ZIC3: variants seen among roughly 807,000 people sequenced by gnomAD.
ZIC3 encodes the protein Zic family zinc finger 3, also known as zinc finger protein ZIC 3.
A neutral mutation model predicts 18.3 loss-of-function variants in ZIC3; 6 were observed. That is an observed-to-expected ratio of 0.33 (90% confidence interval 0.18 to 0.65). ZIC3 has a LOEUF of 0.65. Ranked by LOEUF, ZIC3 falls within the 30% of genes least tolerant of loss-of-function variation. The pLI is 0.75. For missense variants in ZIC3, 260 were observed against 410.0 expected, an observed-to-expected ratio of 0.63 and a Z score of 3.16; for synonymous variants, 175 against 177.0, an observed-to-expected ratio of 0.99 and a Z score of 0.09.
chrX:137,575,033 C>T (rs752089072), downstream of ZIC3, among the ~76,000 whole-genome samples: 156 of 111,934 alleles, frequency 1.4e-3, no homozygotes, highest in Non-Finnish European at 2.1e-3. Context: ...CCCCACCCAC[C>T]TGGCCCGACC....
Position 137,566,545 on chromosome X carries a change from T to G in ZIC3, c.-147T>G. On this transcript the variant is annotated 5_prime_UTR_variant, in exon 1 of 3. Coordinates refer to ENST00000287538, the MANE Select transcript of ZIC3 (RefSeq NM_003413.4). Reference sequence around the variant, plus strand: ...AGGAGACTCTTGCAGTGACGGAAAGTTGCAGCCCCTGGTAGCGCCTTGGGG... The same window carrying G: ...AGGAGACTCTTGCAGTGACGGAAAGGTGCAGCCCCTGGTAGCGCCTTGGGG... 10 of 915,484 alleles carry G rather than the reference T, an allele frequency of 1.1e-5. No individual in the cohort carries two copies. Among genetic ancestry groups the G allele is most frequent in the Non-Finnish European group, 1.4e-5 (10 of 698,606 alleles). 75.4% of individuals were successfully genotyped at this position (915,484 alleles called of 1,213,427 possible). A position where few individuals can be genotyped will look rare whatever the true frequency, so the allele number is the denominator to read the frequency against.
downstream of ZIC3, chrX:137,574,152 C>T (rs1355141927): frequency 8.8e-6 from 1 of 113,483 alleles, no homozygotes; most frequent in South Asian, 3.6e-4. Flanking sequence ...TAGCGCTGGC[C>T]GCAAACTTTG....
downstream of ZIC3, among the ~76,000 whole-genome samples, chrX:137,573,156 AAAAACC>A (rs1488692128): frequency 2.5e-4 from 17 of 69,143 alleles, no homozygotes; most frequent in East Asian, 4.0e-4. Context: ...AAAAAAAAAA[AAAAACC>A]AAACAAACCA....
downstream of ZIC3, among the ~76,000 whole-genome samples, chrX:137,575,638 G>A (rs1569347604): frequency 8.9e-6 from 1 of 111,833 alleles, no homozygotes; most frequent in Non-Finnish European, 1.9e-5. Context: ...GAGACCAACG[G>A]CCAAACGGAA....
downstream of ZIC3, among the ~76,000 whole-genome samples, chrX:137,574,519 C>T (rs746991758): frequency 1.8e-5 from 2 of 113,491 alleles, no homozygotes; most frequent in South Asian, 7.0e-4. Flanking sequence ...CCCCGTGGCT[C>T]CGGCCTTTTC....
intron 2 of ZIC3, 129 bp downstream of exon 2, chrX:137,569,194 A>AGCCCCG (rs1487607998): frequency 1.2e-5 from 5 of 412,593 alleles, no homozygotes; most frequent in Non-Finnish European, 1.8e-5. Flanking sequence ...CAGCAGTGAC[A>AGCCCCG]CCTTGAACCC....
downstream of ZIC3, among the ~76,000 whole-genome samples, chrX:137,574,723 G>T: frequency 8.9e-6 from 1 of 112,839 alleles, no homozygotes; most frequent in Non-Finnish European, 1.9e-5. Context: ...GAGGTATGTG[G>T]GAAGGGGGGC....
chrX:137,573,281 T>G (rs943068292), downstream of ZIC3, among the ~76,000 whole-genome samples: 5 of 111,603 alleles, frequency 4.5e-5, no homozygotes, highest in Non-Finnish European at 9.4e-5. Context: ...TTTTTCAAAA[T>G]GAGTGATTTT....
downstream of ZIC3, among the ~76,000 whole-genome samples, chrX:137,573,596 G>A (rs1725894609): frequency 8.9e-6 from 1 of 112,362 alleles, no homozygotes; most frequent in South Asian, 3.7e-4. Context: ...TAAAACAGAG[G>A]AGCAAAGTCG....
At chrX:137,568,687 CCCCA>C in intron 1 of ZIC3, 3 of 88,621 alleles carry the variant, frequency 3.4e-5, no homozygotes, top group Non-Finnish European at 6.1e-5. Flanking sequence ...GCCGGCCCCG[CCCCA>C]CCCCCACCCC....
Position 137,568,903 on chromosome X carries a change from T to C in ZIC3, c.1062T>C (p.Gly354=). The stretch of plus-strand genomic sequence containing the variant: ...CCCTTGGGTTTTTGCCTTTTGCAGG[T>C]GAGAAACCTTTCAAATGTGAATTTG... ...NLKIHKRTHT[G]EKPFKCEFEG... Residue 354 remains glycine (G), a splice_region_variant and synonymous_variant, in exon 2 of 3, where the codon GGT becomes GGC. Coordinates refer to ENST00000287538, the MANE Select transcript of ZIC3 (RefSeq NM_003413.4). The C allele has an allele frequency of 8.3e-7, 1 of 1,210,246 alleles. No individual in the cohort carries two copies.
At chrX:137,567,836 C>A in intron 1 of ZIC3, 85 bp downstream of exon 1, 1 of 1,201,447 alleles carries the variant, frequency 8.3e-7, no homozygotes, top group Non-Finnish European at 1.1e-6. Flanking sequence ...AGAGAGGTGG[C>A]GGCCAGGGAA....
In ZIC3 at chrX:137,566,791, G is replaced by A; in HGVS notation, c.100G>A (p.Gly34Ser). ...CGAGATGCCCAACCGTGAGCCGGCAGGCATGGGGCTGAATCCCTTCGGGGA... is the reference window on the plus strand; with the variant it reads ...CGAGATGCCCAACCGTGAGCCGGCAAGCATGGGGCTGAATCCCTTCGGGGA... ...HHEMPNREPAGMGLNPFGDST... is the reference protein window; with the variant it reads ...HHEMPNREPASMGLNPFGDST... Residue 34 changes from glycine to serine, a missense_variant, in exon 1 of 3, where the codon GGC becomes AGC. By Grantham distance (56) the Gly-to-Ser change is moderately conservative. This residue lies in a region of ZIC3 where 183 missense variants were observed against 223.8 expected (regional missense o/e 0.82). Coordinates refer to ENST00000287538, the MANE Select transcript of ZIC3 (RefSeq NM_003413.4). The A allele has an allele frequency of 8.5e-7, 1 of 1,179,273 alleles. No homozygotes were observed. The highest frequency in any genetic ancestry group is 1.1e-6 in the Non-Finnish European group (1 of 881,142).
chrX:137,574,598 G>T (rs1052329063), downstream of ZIC3, among the ~76,000 whole-genome samples: 2 of 112,969 alleles, frequency 1.8e-5, no homozygotes, highest in East Asian at 5.7e-4. Context: ...CGCGCCGCGC[G>T]CAGGCGCACA....
chrX:137,572,316 G>A (rs973130351), downstream of ZIC3, among the ~76,000 whole-genome samples: 15 of 111,968 alleles, frequency 1.3e-4, no homozygotes, highest in African/African-American at 4.9e-4. Flanking sequence ...TTTGTTAGTG[G>A]AGAATAATGG....
chrX:137,570,415 G>T lies in ZIC3; in HGVS notation c.*345G>T, dbSNP rs889790538. 6 of 262,314 alleles carry T rather than the reference G, an allele frequency of 2.3e-5. No individual in the cohort carries two copies. Among genetic ancestry groups the T allele is most frequent in the Non-Finnish European group, 3.4e-5 (5 of 146,882 alleles). 21.6% of individuals were successfully genotyped at this position (262,314 alleles called of 1,213,427 possible). On this transcript the variant is annotated 3_prime_UTR_variant, in exon 3 of 3. Transcript: ENST00000287538. ...AGAGGAAGTTATAGAAGGCTTGTTG[G>T]TGGTGGTGATGTTAAACTGATGGAA...
At chrX:137,573,840 G>A (rs748419358), downstream of ZIC3, 368 of 112,700 alleles carry the variant, frequency 3.3e-3, 2 homozygotes, top group Middle Eastern at 9.3e-3. Flanking sequence ...GGGCTCCCAG[G>A]GTCCCTGTCC....
At chrX:137,569,249 G>A (rs1378694762) in intron 2 of ZIC3, among the ~76,000 whole-genome samples, 184 bp downstream of exon 2, 7 of 107,011 alleles carry the variant, frequency 6.5e-5, no homozygotes. Context: ...GTGGGCGGGA[G>A]TGAGCAAAGT....
At chrX:137,574,498 C>T (rs1400843530), downstream of ZIC3, among the ~76,000 whole-genome samples, 1 of 113,508 alleles carries the variant, frequency 8.8e-6, no homozygotes. Context: ...GCCCCAACCC[C>T]TCCCCCGCTT....
Sources: allele counts gnomAD v4.1 joint callset (sites outside exome capture counted in the v4.1 genomes callset), GRCh38; gene constraint gnomAD v4.1.1; regional missense constraint gnomAD v4.1.1; transcripts MANE v1.5; gene names NCBI Gene and HGNC (gene_info 2026-07-23, HGNC 2026-07-21).